ZNF213: variants seen among roughly 807,000 people sequenced by gnomAD.
ZNF213 encodes zinc finger protein 213, also known as putative transcription factor CR53.
Under a neutral mutation model 46.0 loss-of-function variants are expected in ZNF213, and 32 were observed. That is an observed-to-expected ratio of 0.70 (90% CI 0.52 to 0.93). ZNF213 has a LOEUF of 0.93. ZNF213 is among the 40% of genes least tolerant of loss of function. ZNF213 has a pLI of 0.00. For missense variants in ZNF213, 639 were observed against 652.8 expected (o/e 0.98, Z 0.23); for synonymous variants, 297 against 271.0 (o/e 1.10, Z -0.94).
Position 3,141,170 on chromosome 16 carries a change from C to A in ZNF213, c.1203C>A (p.Phe401Leu). ...HQRIHTGEKPFGCSDCGKSFS... is the reference protein window; with the variant it reads ...HQRIHTGEKPLGCSDCGKSFS... The stretch of plus-strand genomic sequence containing the variant: ...GCATACACACGGGCGAGAAGCCTTT[C>A]GGCTGCAGCGACTGCGGCAAGAGCT... The change falls in exon 6 of 6, where the codon TTC becomes TTA. Residue 401 changes from phenylalanine (F) to leucine (L), a missense_variant. By Grantham distance (22) the Phe-to-Leu change is conservative. Coordinates refer to ENST00000396878, the MANE Select transcript of ZNF213 (RefSeq NM_004220.3). 6.2e-7 allele frequency: 1 copy of A among 1,612,472 alleles called. No homozygotes were observed. The highest frequency in any genetic ancestry group is 8.5e-7 in the Non-Finnish European group (1 of 1,179,880).
At chr16:3,136,391 G>C (rs1376878483) in intron 1 of ZNF213, among the ~76,000 whole-genome samples, 1 of 152,082 alleles carries the variant, frequency 6.6e-6, no homozygotes, top group Non-Finnish European at 1.5e-5. Context: ...AGGGATCTGG[G>C]GCAACACTAA....
intron 3 of ZNF213, 58 bp from the exon 4 acceptor site, chr16:3,138,687 A>G: frequency 1.9e-6 from 3 of 1,612,202 alleles, no homozygotes; most frequent in African/African-American, 1.3e-5. Flanking sequence ...TGGGGAGGCC[A>G]TAGGCGTCGG....
In ZNF213 at chr16:3,137,634, C is replaced by T; in HGVS notation, c.354C>T (p.Ala118=). The T allele has an allele frequency of 6.2e-7, 1 of 1,613,834 alleles. No individual in the cohort carries two copies. Among genetic ancestry groups the T allele is most frequent in the Non-Finnish European group, 8.5e-7 (1 of 1,180,012 alleles). ...CGGGAAGCGGTGAGGAGGCTGTCGC[C>T]TTGGTGGAGGACCTACAGAAGCAGC... is the stretch of plus-strand genomic sequence containing the variant. The part of the protein sequence containing the change: ...QHPGSGEEAV[A]LVEDLQKQPV... Residue 118 remains alanine (A), a synonymous_variant, in exon 2 of 6, where the codon GCC becomes GCT. Transcript: ENST00000396878.
chr16:3,138,368 C>T, intron 2 of ZNF213, 50 bp from the exon 3 acceptor site: 1 of 1,607,394 alleles, frequency 6.2e-7, no homozygotes, highest in African/African-American at 1.3e-5. Flanking sequence ...TAAACTCTGT[C>T]TCCCCCGGTC....
intron 2 of ZNF213, chr16:3,137,911 G>A (rs765739270): frequency 1.0e-5 from 6 of 599,674 alleles, no homozygotes; most frequent in African/African-American, 3.7e-5. Context: ...GCTGAAGTGC[G>A]AATGTTCCAG....
chr16:3,137,320 G>T lies in ZNF213; in HGVS notation c.40G>T (p.Glu14Ter). 1 of 1,610,636 alleles carries T rather than the reference G, an allele frequency of 6.2e-7. No individual in the cohort carries two copies. The highest frequency in any genetic ancestry group is 1.3e-5 in the African/African-American group (1 of 75,010). Residue 14 changes from glutamate to a stop codon, truncating the protein, a stop_gained, in exon 2 of 6, where the codon GAG becomes TAG. Transcript: ENST00000396878. LOFTEE classifies it high-confidence loss of function. ...PLEAQDQAPG[E>*]GEGLLIVKVE... is the part of the protein sequence containing the mutation. ...GGAGGCCCAGGACCAGGCCCCTGGGGAGGGAGAAGGGCTTCTGATTGTGAA... is the reference window on the plus strand; with the variant it reads ...GGAGGCCCAGGACCAGGCCCCTGGGTAGGGAGAAGGGCTTCTGATTGTGAA...
chr16:3,139,278 T>TGGGACG, intron 5 of ZNF213, 180 bp downstream of exon 5: 1 of 934,802 alleles, frequency 1.1e-6, no homozygotes, highest in South Asian at 1.7e-5. Flanking sequence ...ACATGCAGCA[T>TGGGACG]GGGACGGCGC....
Position 3,140,816 on chromosome 16 carries a change from G to A in ZNF213, c.849G>A (p.Glu283=). The A allele has an allele frequency of 6.3e-7, 1 of 1,594,362 alleles. No homozygotes were observed. Among genetic ancestry groups the A allele is most frequent in the Non-Finnish European group, 8.5e-7 (1 of 1,173,150 alleles). The part of the protein sequence containing the change: ...SPEEAEAWES[E]NRPRAALGPV... ...AGGAGGCTGAGGCCTGGGAGAGCGA[G>A]AACCGGCCGAGGGCGGCCCTGGGCC... The change falls in exon 6 of 6, where the codon GAG becomes GAA. Residue 283 remains glutamate (E), a synonymous_variant. Transcript: ENST00000396878.
chr16:3,136,175 T>C (rs1416933158), intron 1 of ZNF213, among the ~76,000 whole-genome samples: 1 of 152,166 alleles, frequency 6.6e-6, no homozygotes, highest in Admixed American at 6.5e-5. Flanking sequence ...TTACTGAAAA[T>C]TGCATAATAC....
Position 3,137,631 on chromosome 16 carries a change from C to A in ZNF213, c.351C>A (p.Val117=). The change falls in exon 2 of 6, where the codon GTC becomes GTA. Residue 117 remains valine (V), a synonymous_variant. Transcript: ENST00000396878. ...ACCCGGGAAGCGGTGAGGAGGCTGT[C>A]GCCTTGGTGGAGGACCTACAGAAGC... The part of the protein sequence containing the change: ...EQHPGSGEEA[V]ALVEDLQKQP... 1 of 1,613,816 alleles carries A rather than the reference C, an allele frequency of 6.2e-7. No homozygotes were observed. Among genetic ancestry groups the A allele is most frequent in the Non-Finnish European group, 8.5e-7 (1 of 1,180,008 alleles).
chr16:3,138,003 G>A (rs1483920319), intron 2 of ZNF213: 2 of 478,592 alleles, frequency 4.2e-6, no homozygotes, highest in Non-Finnish European at 7.5e-6. Context: ...ACACAAGGGT[G>A]TGCATAGAGC....
rs1186158114 is a variant in ZNF213 at position 3,137,574 on chromosome 16, A to G, written c.294A>G (p.Pro98=). Residue 98 remains proline, a synonymous_variant, in exon 2 of 6, where the codon CCA becomes CCG. Transcript: ENST00000396878. ...LVLEQFLTVL[P]GEIQGWVREQ... ...TGGAGCAGTTCCTGACAGTGCTGCC[A>G]GGGGAGATCCAGGGCTGGGTGCGTG... 6.2e-7 allele frequency: 1 copy of G among 1,614,056 alleles called. No individual in the cohort carries two copies. The highest frequency in any genetic ancestry group is 8.5e-7 in the Non-Finnish European group (1 of 1,180,030).
chr16:3,138,383 C>T, intron 2 of ZNF213, 35 bp from the exon 3 acceptor site: 3 of 1,612,586 alleles, frequency 1.9e-6, no homozygotes, highest in Admixed American at 1.7e-5. Context: ...CCGGTCTGGT[C>T]TCGGGCTGAT....
chr16:3,140,549 A>T, intron 5 of ZNF213, 140 bp from the exon 6 acceptor site: 1 of 1,230,148 alleles, frequency 8.1e-7, no homozygotes, highest in Non-Finnish European at 1.1e-6. Flanking sequence ...TAGATGAGGA[A>T]CCTGAGAATT....
intron 5 of ZNF213, 73 bp from the exon 6 acceptor site, chr16:3,140,616 T>G: frequency 5.6e-6 from 8 of 1,441,118 alleles, no homozygotes; most frequent in Non-Finnish European, 7.3e-6. Context: ...TTCCCCAGCC[T>G]TGTTTCTTCC....
rs1373204880 is a variant in ZNF213, at chr16:3,141,140, C to T, written c.1173C>T (p.His391=). 1 of 1,612,468 alleles carries T rather than the reference C, an allele frequency of 6.2e-7. No individual in the cohort carries two copies. The change falls in exon 6 of 6, where the codon CAC becomes CAT. Residue 391 remains histidine (H), a synonymous_variant. Transcript: ENST00000396878. ...SFSRSAYLAD[H]QRIHTGEKPF... is the part of the protein sequence containing the mutation. ...GCCGCAGCGCCTACCTGGCCGACCA[C>T]CAGCGCATACACACGGGCGAGAAGC... is the stretch of plus-strand genomic sequence containing the variant.
rs1567186601 is a variant in ZNF213, at chr16:3,140,866, GGCCACCCACTCGCCGGCGCCA to G, written c.901_921del (p.Pro301_Gln307del). ...CCAGTGGTGGGCGCGCGACGGGGGC[GGCCACCCACTCGCCGGCGCCA>G]GTTCCGGGACCTGGCAGCCGAGAAG... On this transcript the variant is annotated inframe_deletion, in exon 6 of 6. Transcript: ENST00000396878. 1.3e-6 allele frequency: 2 copies of G among 1,577,620 alleles called. No individual in the cohort carries two copies. Among genetic ancestry groups the G allele is most frequent in the South Asian group, 2.3e-5 (2 of 87,600 alleles).
rs898862002 is a variant in ZNF213, at chr16:3,141,519, C to A, written c.*172C>A. The A allele has an allele frequency of 2.8e-6, 2 of 707,016 alleles. No individual in the cohort carries two copies. The highest frequency in any genetic ancestry group is 4.4e-6 in the Non-Finnish European group (2 of 451,114). The allele number at this position is 707,016 out of a possible 1,614,324, so 43.8% of individuals were successfully genotyped here. A position where few individuals can be genotyped will look rare whatever the true frequency, so the allele number is the denominator to read the frequency against. On this transcript the variant is annotated 3_prime_UTR_variant, in exon 6 of 6. Transcript: ENST00000396878. ...TGCTTGGCTCTGAGGACCTGCCCAG[C>A]GCTCAAAGGGAACGGAAGCCTTCCC...
In ZNF213 at chr16:3,140,923, G is replaced by T; in HGVS notation, c.956G>T (p.Cys319Phe). The T allele has an allele frequency of 6.3e-7, 1 of 1,595,912 alleles. No individual in the cohort carries two copies. Among genetic ancestry groups the T allele is most frequent in the African/African-American group, 1.3e-5 (1 of 74,820 alleles). Residue 319 changes from cysteine to phenylalanine, a missense_variant, in exon 6 of 6, where the codon TGC becomes TTC. Transcript: ENST00000396878. Reference sequence around the variant, plus strand: ...CTGGCAGCCGAGAAGCCGCACAGCTGCGGGCAGTGTGGAAAGCGCTTCCGC... The same window carrying T: ...CTGGCAGCCGAGAAGCCGCACAGCTTCGGGCAGTGTGGAAAGCGCTTCCGC... ...RDLAAEKPHS[C>F]GQCGKRFRWG...
Sources: allele counts gnomAD v4.1 joint callset (sites outside exome capture counted in the v4.1 genomes callset), GRCh38; gene constraint gnomAD v4.1.1; transcripts MANE v1.5; gene names NCBI Gene and HGNC (gene_info 2026-07-23, HGNC 2026-07-21).